Variants in SRGAP1 observed in about 807,000 individuals in gnomAD.
SRGAP1 encodes the protein SLIT-ROBO Rho GTPase activating protein 1, also known as SLIT-ROBO Rho GTPase-activating protein 1.
In SRGAP1, 43 loss-of-function variants were observed where a neutral mutation model predicts 121.9. The ratio of observed to expected loss-of-function variants is 0.35; its 90% CI spans 0.28 to 0.46. SRGAP1 has a LOEUF of 0.46. Ranked by LOEUF, SRGAP1 falls within the 20% of genes least tolerant of loss-of-function variation. The pLI is 1.00. For missense variants in SRGAP1, 1,102 were observed against 1,350.9 expected, an observed-to-expected ratio of 0.82 and a Z score of 2.89; for synonymous variants, 447 against 485.4, an observed-to-expected ratio of 0.92 and a Z score of 1.04.
At chr12:64,000,988 C>A (rs539921860) in intron 3 of SRGAP1, among the ~76,000 whole-genome samples, 1 of 152,196 alleles carries the variant, frequency 6.6e-6, no homozygotes, top group African/African-American at 2.4e-5. Flanking sequence ...AAAAGAATCC[C>A]CACTTGAGAA....
intron 8 of SRGAP1, among the ~76,000 whole-genome samples, chr12:64,074,904 A>G (rs930056144): frequency 6.6e-6 from 1 of 152,196 alleles, no homozygotes; most frequent in Non-Finnish European, 1.5e-5. Context: ...ATTATATAAA[A>G]CTTTTAATTT....
intron 3 of SRGAP1, among the ~76,000 whole-genome samples, chr12:64,015,111 C>T (rs1010171042): frequency 6.6e-6 from 1 of 152,180 alleles, no homozygotes; most frequent in African/African-American, 2.4e-5. Flanking sequence ...GCCAACGCGA[C>T]CAGCCATCTT....
Position 64,109,892 on chromosome 12 carries a change from AATC to A in SRGAP1, c.1919+858_1919+860del, listed in dbSNP as rs369147917. Among the ~76,000 whole-genome samples, 94 of 152,284 alleles carry A rather than the reference AATC, an allele frequency of 6.2e-4. 1 individual carries two copies. Among genetic ancestry groups the A allele is most frequent in the East Asian group, 3.7e-3 (19 of 5,184 alleles). On this transcript the variant is annotated intron_variant, in intron 16 of 21. Transcript: ENST00000355086. ...TTACAATCCCGCTGACTAGTCCTGA[AATC>A]ATACCCACTCAGCTTGACCCCAAGA...
chr12:64,071,573 T>C (rs963091943), intron 8 of SRGAP1, among the ~76,000 whole-genome samples: 4 of 152,146 alleles, frequency 2.6e-5, no homozygotes, highest in African/African-American at 9.7e-5. Flanking sequence ...TGATTTGAGA[T>C]CATGCTCCTT....
chr12:64,057,978 A>G lies in SRGAP1; in HGVS notation c.802-4939A>G, dbSNP rs566555789. 2.6e-5 allele frequency among the ~76,000 whole-genome samples: 4 copies of G among 152,302 alleles called. No individual in the cohort carries two copies. The East Asian group carries it at 7.7e-4, about 29-fold the overall frequency. ...GTTTCCCATACAGTTCCACTATGGT[A>G]ACTCCTGTTTTAGGAGCAAACTTCT... On this transcript the variant is annotated intron_variant, in intron 6 of 21. Coordinates refer to ENST00000355086, the MANE Select transcript of SRGAP1 (RefSeq NM_020762.4).
chr12:63,924,995 T>C (rs997920886), intron 1 of SRGAP1, among the ~76,000 whole-genome samples: 2 of 151,958 alleles, frequency 1.3e-5, no homozygotes, highest in Admixed American at 1.3e-4. Flanking sequence ...AGGCTATTTA[T>C]GGCTCTCAAG....
intron 19 of SRGAP1, among the ~76,000 whole-genome samples, chr12:64,127,057 A>G (rs778848949): frequency 4.6e-5 from 7 of 152,208 alleles, no homozygotes; most frequent in Admixed American, 2.6e-4. Flanking sequence ...GTACAGTAAC[A>G]TGCTGTGCAG....
chr12:64,079,477 A>ATATATT (rs1164762318), intron 9 of SRGAP1, among the ~76,000 whole-genome samples: 1 of 148,312 alleles, frequency 6.7e-6, no homozygotes, highest in African/African-American at 2.5e-5. Context: ...AAACATATAT[A>ATATATT]TATATTTATA....
At chr12:63,901,584 G>T (rs372381147) in intron 1 of SRGAP1, among the ~76,000 whole-genome samples, 1 of 152,126 alleles carries the variant, frequency 6.6e-6, no homozygotes, top group Admixed American at 6.6e-5. Context: ...CATCATTGAC[G>T]TCACAACAGG....
chr12:64,011,556 C>A (rs2034251927), intron 3 of SRGAP1, among the ~76,000 whole-genome samples: 1 of 151,990 alleles, frequency 6.6e-6, no homozygotes, highest in South Asian at 2.1e-4. Flanking sequence ...TTTTGACCAG[C>A]ATTTATGATA....
chr12:63,919,967 A>G (rs925462794), intron 1 of SRGAP1, among the ~76,000 whole-genome samples: 2 of 152,180 alleles, frequency 1.3e-5, no homozygotes, highest in Non-Finnish European at 2.9e-5. Context: ...GAACATTTTC[A>G]TGTGTTCCTA....
At chr12:63,908,446 G>A (rs545101744) in intron 1 of SRGAP1, among the ~76,000 whole-genome samples, 1 of 152,112 alleles carries the variant, frequency 6.6e-6, no homozygotes, top group South Asian at 2.1e-4. Context: ...ATGGAGTCTC[G>A]CTCTGAGATC....
At chr12:63,939,585 G>C (rs1216832067) in intron 1 of SRGAP1, among the ~76,000 whole-genome samples, 5 of 152,174 alleles carry the variant, frequency 3.3e-5, no homozygotes, top group Non-Finnish European at 7.3e-5. Context: ...AGGTTAATGA[G>C]TGGGCCCCTG....
chr12:64,041,018 C>T lies in SRGAP1; in HGVS notation c.490-1772C>T, dbSNP rs536274070. On this transcript the variant is annotated intron_variant, in intron 4 of 21. Coordinates refer to ENST00000355086, the MANE Select transcript of SRGAP1 (RefSeq NM_020762.4). ...AGGATTCATTCTGTAAATTTTAATA[C>T]ATTATGAAATTGTTATGTTCTATAT... 2.0e-3 allele frequency among the ~76,000 whole-genome samples: 300 copies of T among 152,130 alleles called. 1 individual carries two copies. The highest frequency in any genetic ancestry group is 6.7e-3 in the African/African-American group (279 of 41,538).
chr12:64,105,651 G>C (rs2036333116), intron 15 of SRGAP1, among the ~76,000 whole-genome samples: 1 of 152,100 alleles, frequency 6.6e-6, no homozygotes, highest in African/African-American at 2.4e-5. Context: ...AGGCATGGTG[G>C]TGGGTGCTCC....
At chr12:63,984,343 G>T (rs1381162201) in intron 2 of SRGAP1, among the ~76,000 whole-genome samples, 1 of 152,070 alleles carries the variant, frequency 6.6e-6, no homozygotes, top group Non-Finnish European at 1.5e-5. Context: ...TGACACTTTT[G>T]TCTTTCCAAT....
chr12:63,949,012 T>TTCATATATGTATTTTC (rs56996271), intron 1 of SRGAP1, among the ~76,000 whole-genome samples: 2 of 92,030 alleles, frequency 2.2e-5, no homozygotes, highest in African/African-American at 1.0e-4. Context: ...ATATATATAT[T>TTCATATATGTATTTTC]CATATATGTA....
chr12:63,924,863 A>G (rs1412412730), intron 1 of SRGAP1, among the ~76,000 whole-genome samples: 2 of 152,208 alleles, frequency 1.3e-5, no homozygotes, highest in African/African-American at 2.4e-5. Context: ...AGTGCCTGGC[A>G]CATAGTACTG....
At chr12:63,952,122 T>C (rs2032318932) in intron 1 of SRGAP1, among the ~76,000 whole-genome samples, 1 of 152,168 alleles carries the variant, frequency 6.6e-6, no homozygotes, top group Non-Finnish European at 1.5e-5. Flanking sequence ...CTCCTTACTT[T>C]AAATGTACAC....
Sources: allele counts gnomAD v4.1 joint callset (sites outside exome capture counted in the v4.1 genomes callset), GRCh38; gene constraint gnomAD v4.1.1; transcripts MANE v1.5; gene names NCBI Gene and HGNC (gene_info 2026-07-23, HGNC 2026-07-21).